Variants in ADAMTSL1 observed in about 807,000 individuals in gnomAD.
ADAMTSL1 encodes the protein ADAMTS like 1, also known as ADAMTS-like protein 1.
Under a neutral mutation model 201.8 loss-of-function variants are expected in ADAMTSL1, and 126 were observed. The observed-to-expected ratio is 0.62, with a 90% confidence interval of 0.54 to 0.72. The LOEUF (loss-of-function observed/expected upper bound fraction) is 0.72. Among genes scored for constraint, ADAMTSL1 ranks in the 30% least tolerant of loss-of-function variants. The pLI is 0.00. For synonymous variants in ADAMTSL1, 1,121 were observed against 903.4 expected (o/e 1.24, Z -4.32); for missense variants, 2,679 against 2,277.8 (o/e 1.18, Z -3.59).
intron 23 of ADAMTSL1, among the ~76,000 whole-genome samples, chr9:18,844,329 A>G (rs1825940686): frequency 6.6e-6 from 1 of 152,338 alleles, no homozygotes; most frequent in East Asian, 1.9e-4. Context: ...AGGTACCAGC[A>G]GCGGTGGCTG....
chr9:18,648,440 C>A (rs141161156), intron 7 of ADAMTSL1, among the ~76,000 whole-genome samples: 1 of 152,184 alleles, frequency 6.6e-6, no homozygotes, highest in African/African-American at 2.4e-5. Flanking sequence ...ATGATGTTAG[C>A]TGGTAATTTT....
intron 14 of ADAMTSL1, chr9:18,718,569 C>T (rs1318274294): frequency 1.3e-5 from 6 of 449,946 alleles, no homozygotes; most frequent in African/African-American, 2.0e-5. Context: ...ACGCTGTCAC[C>T]GGGTTCCCGC....
At chr9:17,954,356 A>G (rs1827847433) in intron 1 of ADAMTSL1, among the ~76,000 whole-genome samples, 1 of 152,252 alleles carries the variant, frequency 6.6e-6, no homozygotes, top group Non-Finnish European at 1.5e-5. Flanking sequence ...TCAAAGAATT[A>G]GAAGCCATCT....
chr9:18,297,255 G>A (rs1292916095), intron 2 of ADAMTSL1, among the ~76,000 whole-genome samples: 1 of 152,144 alleles, frequency 6.6e-6, no homozygotes, highest in Non-Finnish European at 1.5e-5. Flanking sequence ...TGTATAGATA[G>A]TGACTTTTGG....
intron 4 of ADAMTSL1, among the ~76,000 whole-genome samples, chr9:18,596,655 A>C (rs144766046): frequency 3.2e-4 from 49 of 152,274 alleles, no homozygotes; most frequent in Non-Finnish European, 6.2e-4. Flanking sequence ...ATGTGAGGTG[A>C]TATTGTTACA....
rs56662538 is a variant in ADAMTSL1 at position 18,655,806 on chromosome 9, T to TAAAAAAAAAAAAAAAAAAAAAAAAAA, written c.835-1827_835-1802dup. Among the ~76,000 whole-genome samples the TAAAAAAAAAAAAAAAAAAAAAAAAAA allele has an allele frequency of 2.8e-4, 23 of 81,846 alleles. 2 individuals are homozygous for TAAAAAAAAAAAAAAAAAAAAAAAAAA. Among genetic ancestry groups the TAAAAAAAAAAAAAAAAAAAAAAAAAA allele is most frequent in the African/African-American group, 7.9e-4 (12 of 15,106 alleles). The allele number at this position is 81,846 out of a possible 152,430, so 53.7% of individuals were successfully genotyped here. ...AGAGAGCTAGAGGCTTTTGTGAGCTTAAAAAAAAAAAAAAAAAAAAAAAAA... is the reference window on the plus strand; with the variant it reads ...AGAGAGCTAGAGGCTTTTGTGAGCTTAAAAAAAAAAAAAAAAAAAAAAAAAAAAAAAAAAAAAAAAAAAAAAAAAAA... On this transcript the variant is annotated intron_variant, in intron 7 of 28. Transcript: ENST00000380548.
At chr9:18,279,134 G>A (rs1587455618) in intron 2 of ADAMTSL1, among the ~76,000 whole-genome samples, 1 of 152,198 alleles carries the variant, frequency 6.6e-6, no homozygotes, top group East Asian at 1.9e-4. Flanking sequence ...TCCTTAGGAT[G>A]TTTACAGTTG....
chr9:18,341,412 T>C (rs1313956891), intron 2 of ADAMTSL1, among the ~76,000 whole-genome samples: 1 of 152,172 alleles, frequency 6.6e-6, no homozygotes, highest in Non-Finnish European at 1.5e-5. Flanking sequence ...TCTTCCTAAC[T>C]TGCATTCATC....
At chr9:18,051,503 C>T (rs1345646132) in intron 1 of ADAMTSL1, among the ~76,000 whole-genome samples, 3 of 150,332 alleles carry the variant, frequency 2.0e-5, no homozygotes, top group African/African-American at 4.9e-5. Flanking sequence ...GGGTCCTCCT[C>T]AGAGAAGGAG....
chr9:17,924,387 G>T (rs13284182), intron 1 of ADAMTSL1, among the ~76,000 whole-genome samples: 14,951 of 151,522 alleles, frequency 0.099, 804 homozygotes, highest in South Asian at 0.19. Context: ...TATCCATTTC[G>T]TCTAGATTTT....
chr9:18,662,096 T>G, intron 9 of ADAMTSL1, 23 bp downstream of exon 9: 1 of 1,607,416 alleles, frequency 6.2e-7, no homozygotes. Context: ...TGCTAGTTCA[T>G]TTGTCATAAA....
intron 2 of ADAMTSL1, among the ~76,000 whole-genome samples, chr9:18,229,655 T>G (rs182280825): frequency 6.6e-6 from 1 of 151,730 alleles, no homozygotes; most frequent in Non-Finnish European, 1.5e-5. Flanking sequence ...TAAAGTTCCA[T>G]AATTTGATAT....
At chr9:18,310,376 A>AAAAAAAAAAAAAAAAT (rs1834090218) in intron 2 of ADAMTSL1, among the ~76,000 whole-genome samples, 1 of 100,532 alleles carries the variant, frequency 9.9e-6, no homozygotes, top group Non-Finnish European at 1.8e-5. Flanking sequence ...TAGCAAAAAA[A>AAAAAAAAAAAAAAAAT]AAAAAAAAAA....
At position 18,790,676 on chromosome 9, in the gene ADAMTSL1, C is replaced by T. The variant is rs1205693048; in HGVS notation, c.3678-4721C>T. Among the ~76,000 whole-genome samples, 3 of 152,138 alleles carry T rather than the reference C, an allele frequency of 2.0e-5. No individual in the cohort carries two copies. The South Asian group carries it at 6.3e-4, about 32-fold the overall frequency. ...AAAACAATTTCTTGCACCCTCTCGG[C>T]TGGTCCTTAATTTGTAGCATGCTTG... On this transcript the variant is annotated intron_variant, in intron 19 of 28. Coordinates refer to ENST00000380548, the MANE Select transcript of ADAMTSL1 (RefSeq NM_001040272.6).
At chr9:18,886,875 T>C (rs1347857684) in intron 23 of ADAMTSL1, among the ~76,000 whole-genome samples, 1 of 152,248 alleles carries the variant, frequency 6.6e-6, no homozygotes, top group Non-Finnish European at 1.5e-5. Flanking sequence ...GCCTTGCATC[T>C]GCAGTTTTAT....
chr9:18,072,755 A>T (rs535839322), intron 1 of ADAMTSL1, among the ~76,000 whole-genome samples: 1 of 152,310 alleles, frequency 6.6e-6, no homozygotes, highest in African/African-American at 2.4e-5. Context: ...TGGTACTATT[A>T]GGCTGACAAT....
chr9:17,921,559 T>G (rs545841425), intron 1 of ADAMTSL1, among the ~76,000 whole-genome samples: 29 of 152,320 alleles, frequency 1.9e-4, no homozygotes, highest in South Asian at 4.1e-4. Flanking sequence ...TTCTCTTTAA[T>G]TTCTATTTTT....
intron 1 of ADAMTSL1, among the ~76,000 whole-genome samples, chr9:18,491,561 G>T (rs1388761183): frequency 6.6e-6 from 1 of 152,274 alleles, no homozygotes; most frequent in South Asian, 2.1e-4. Context: ...AAAAAATCAT[G>T]TCATGTTTCA....
chr9:18,492,484 GA>G (rs1822315309), intron 1 of ADAMTSL1, among the ~76,000 whole-genome samples: 1 of 152,152 alleles, frequency 6.6e-6, no homozygotes, highest in Non-Finnish European at 1.5e-5. Flanking sequence ...AGCAAAGAAA[GA>G]AAGTCCCAGC....
Sources: allele counts gnomAD v4.1 joint callset (sites outside exome capture counted in the v4.1 genomes callset), GRCh38; gene constraint gnomAD v4.1.1; transcripts MANE v1.5; gene names NCBI Gene and HGNC (gene_info 2026-07-23, HGNC 2026-07-21).